The following HHLA1 variants were observed in gnomAD, a reference collection of about 807,000 sequenced individuals.
HHLA1 encodes the protein HHLA1 neighbor of OC90, also known as HERV-H LTR-associating protein 1.
Under a neutral mutation model 69.9 loss-of-function variants are expected in HHLA1, and 72 were observed. The ratio of observed to expected loss-of-function variants is 1.03; its 90% CI spans 0.85 to 1.25. The LOEUF (loss-of-function observed/expected upper bound fraction) is 1.25, where lower values mean the gene tolerates loss of function less well. Among genes scored for constraint, HHLA1 ranks in the 50% most tolerant of loss-of-function variants. The pLI is 0.00. For synonymous variants in HHLA1, 252 were observed against 233.2 expected (o/e 1.08, Z -0.73); for missense variants, 685 against 642.2 (o/e 1.07, Z -0.72).
At chr8:132,080,462 GC>G (rs1823731992) in intron 10 of HHLA1, 1 of 260,120 alleles carries the variant, frequency 3.8e-6, no homozygotes, top group Non-Finnish European at 7.5e-6. Context: ...CAGTGGGGGT[GC>G]TTTTTGAGCC....
chr8:132,102,805 T>A (rs1824132513), intron 3 of HHLA1, among the ~76,000 whole-genome samples: 1 of 26,716 alleles, frequency 3.7e-5, no homozygotes, highest in African/African-American at 1.3e-4. Flanking sequence ...TTTTTTTTTT[T>A]TTTTTTTTTT....
chr8:132,102,172 C>A (rs1044995095), intron 3 of HHLA1, among the ~76,000 whole-genome samples: 1 of 152,166 alleles, frequency 6.6e-6, no homozygotes, highest in African/African-American at 2.4e-5. Flanking sequence ...CATATGGCAC[C>A]GTTTTCTTAT....
chr8:132,064,574 A>C (rs1286020451), intron 16 of HHLA1, among the ~76,000 whole-genome samples: 1 of 152,166 alleles, frequency 6.6e-6, no homozygotes, highest in Non-Finnish European at 1.5e-5. Flanking sequence ...GATGATAGGA[A>C]GAGAAGACAG....
intron 3 of HHLA1, 72 bp downstream of exon 3, chr8:132,104,036 G>A: frequency 9.9e-7 from 1 of 1,014,958 alleles, no homozygotes; most frequent in South Asian, 1.4e-5. Context: ...AGTAGAGAAA[G>A]TCAGGCTTGG....
chr8:132,074,750 C>A (rs1013860455), intron 14 of HHLA1, among the ~76,000 whole-genome samples: 6 of 151,526 alleles, frequency 4.0e-5, no homozygotes, highest in Non-Finnish European at 5.9e-5. Flanking sequence ...ATAAAGATAA[C>A]CAGATAGAAA....
intron 10 of HHLA1, chr8:132,085,398 C>G: frequency 2.7e-6 from 1 of 365,992 alleles, no homozygotes; most frequent in Non-Finnish European, 5.5e-6. Flanking sequence ...AAAAAGAGGC[C>G]GCTTACCGGA....
At chr8:132,107,068 C>G (rs1245996470) in intron 1 of HHLA1, among the ~76,000 whole-genome samples, 2 of 152,196 alleles carry the variant, frequency 1.3e-5, no homozygotes, top group Non-Finnish European at 2.9e-5. Context: ...ATTTCTTTCT[C>G]ATTCTCTTAT....
rs2130894924 is a variant in HHLA1, at chr8:132,095,551, T to C, written c.416A>G (p.Tyr139Cys). The change falls in exon 7 of 17, where the codon TAC becomes TGC. Residue 139 changes from tyrosine (Y) to cysteine (C), a missense_variant. Tyr to Cys is a radical substitution (Grantham distance 194). Coordinates refer to ENST00000414222, the MANE Select transcript of HHLA1 (RefSeq NM_001145095.3). ...GTCATTGGTCCGATTGTTTAAACAG[T>C]AGCAATACCTTGTGGGGAATTTGGC... ...DPAKFPTRYC[Y>C]CLNNRTNDLS... 1.9e-6 allele frequency: 3 copies of C among 1,550,040 alleles called. No homozygotes were observed. Among genetic ancestry groups the C allele is most frequent in the Middle Eastern group, 1.7e-4 (1 of 5,992 alleles).
chr8:132,078,030 C>A, intron 11 of HHLA1, 59 bp from the exon 12 acceptor site: 13 of 1,526,192 alleles, frequency 8.5e-6, no homozygotes, highest in Non-Finnish European at 1.1e-5. Context: ...TCGATTCAGA[C>A]ATGAAATTGC....
At chr8:132,089,454 A>G (rs1348589895) in intron 8 of HHLA1, 62 bp downstream of exon 8, 4 of 889,712 alleles carry the variant, frequency 4.5e-6, no homozygotes, top group Non-Finnish European at 7.4e-6. Flanking sequence ...AATATGCTTC[A>G]TTATCTACCA....
At chr8:132,086,221 G>T (rs990372094) in intron 10 of HHLA1, among the ~76,000 whole-genome samples, 19 of 152,158 alleles carry the variant, frequency 1.2e-4, no homozygotes, top group Admixed American at 3.3e-4. Flanking sequence ...CAGTGGATAT[G>T]ACGATGACAG....
intron 7 of HHLA1, among the ~76,000 whole-genome samples, chr8:132,091,532 T>C (rs548360479): frequency 2.1e-4 from 32 of 152,364 alleles, no homozygotes; most frequent in African/African-American, 6.7e-4. Context: ...TAGAACTGTT[T>C]TCACAATCTG....
intron 14 of HHLA1, among the ~76,000 whole-genome samples, chr8:132,075,231 G>A (rs1183174345): frequency 6.6e-6 from 1 of 152,200 alleles, no homozygotes; most frequent in Middle Eastern, 3.2e-3. Context: ...ACGGGGCAGG[G>A]TCCAGCAGTT....
At position 132,087,046 on chromosome 8, in the gene HHLA1, G is replaced by T. The variant is rs151289573; in HGVS notation, c.676+607C>A. ...ACCTGGAGTAACGTAGAGTCCAAAT[G>T]ACATACAAGTGCTGTGTTATGGGAC... On this transcript the variant is annotated intron_variant, in intron 10 of 16. Coordinates refer to ENST00000414222, the MANE Select transcript of HHLA1 (RefSeq NM_001145095.3). Among the ~76,000 whole-genome samples the T allele has an allele frequency of 6.1e-3, 931 of 152,312 alleles. 8 individuals carry two copies. Among genetic ancestry groups the T allele is most frequent in the African/African-American group, 0.022 (898 of 41,558 alleles).
At chr8:132,093,657 G>A (rs62521326) in intron 7 of HHLA1, among the ~76,000 whole-genome samples, 46 of 152,114 alleles carry the variant, frequency 3.0e-4, no homozygotes, top group Non-Finnish European at 6.0e-4. Context: ...TCATATAATT[G>A]TTGCAAGTGT....
intron 8 of HHLA1, among the ~76,000 whole-genome samples, chr8:132,088,441 T>C (rs1586730998): frequency 6.6e-6 from 1 of 152,202 alleles, no homozygotes; most frequent in Non-Finnish European, 1.5e-5. Flanking sequence ...AGAAGTTACA[T>C]CAGGTAGGAT....
Position 132,062,269 on chromosome 8 carries a change from G to C in HHLA1, c.*1726C>G, listed in dbSNP as rs1015262724. ...GAGCTTGACATTTGCATAACTTGGA[G>C]AGTCTTTCAAGTGTTCTGGAGAATA... On this transcript the variant is annotated 3_prime_UTR_variant, in exon 17 of 17. Transcript: ENST00000414222. The C allele has an allele frequency of 6.6e-6, 1 of 152,122 alleles. No homozygotes were observed. The highest frequency in any genetic ancestry group is 2.4e-5 in the African/African-American group (1 of 41,410). The allele number at this position is 152,122 out of a possible 1,614,324, so 9.4% of individuals were successfully genotyped here.
chr8:132,090,917 C>T (rs111902220), intron 7 of HHLA1, among the ~76,000 whole-genome samples: 8 of 152,182 alleles, frequency 5.3e-5, no homozygotes, highest in South Asian at 2.1e-4. Context: ...CGCCAACACG[C>T]CCAGCTAATT....
rs568620997 is a variant in HHLA1, at chr8:132,088,030, C to T, written c.533-129G>A. The T allele has an allele frequency of 4.8e-5, 34 of 705,550 alleles. No individual in the cohort carries two copies. The African/African-American group carries it at 5.9e-4, about 12-fold the overall frequency. 43.7% of individuals were successfully genotyped at this position (705,550 alleles called of 1,614,324 possible). ...ATAGGAAAATAAGCCTGACTCTTTA[C>T]TCTTAAGGCAGTCCTCATTTTCCAA... On this transcript the variant is annotated intron_variant, in intron 8 of 16. Coordinates refer to ENST00000414222, the MANE Select transcript of HHLA1 (RefSeq NM_001145095.3).
Sources: allele counts gnomAD v4.1 joint callset (sites outside exome capture counted in the v4.1 genomes callset), GRCh38; gene constraint gnomAD v4.1.1; transcripts MANE v1.5; gene names NCBI Gene and HGNC (gene_info 2026-07-23, HGNC 2026-07-21).